KIF23: variants seen among roughly 807,000 people sequenced by gnomAD.
The protein encoded by KIF23 is kinesin-like protein KIF23.
KIF23 carries 30 observed loss-of-function variants against 137.5 expected under a neutral mutation model. The ratio of observed to expected loss-of-function variants is 0.22; its 90% CI spans 0.16 to 0.30. The LOEUF (loss-of-function observed/expected upper bound fraction) is 0.30. Ranked by LOEUF, KIF23 falls within the 10% of genes least tolerant of loss-of-function variation. The probability of loss-of-function intolerance (pLI) is 1.00; values close to 1 mark genes in which losing one functional copy is unlikely to be tolerated. For missense variants in KIF23, 920 were observed against 1,194.3 expected (o/e 0.77, Z 3.38); for synonymous variants, 367 against 391.1 (o/e 0.94, Z 0.73).
chr15:69,431,455 T>C (rs1399831519), intron 11 of KIF23, among the ~76,000 whole-genome samples: 1 of 151,794 alleles, frequency 6.6e-6, no homozygotes, highest in Non-Finnish European at 1.5e-5. Flanking sequence ...CTACTAAAAA[T>C]ACAAAAAAAT....
Position 69,440,889 on chromosome 15 carries a change from A to C in KIF23, c.2231A>C (p.Glu744Ala). The C allele has an allele frequency of 3.1e-6, 5 of 1,614,130 alleles. No homozygotes were observed. The highest frequency in any genetic ancestry group is 4.2e-6 in the Non-Finnish European group (5 of 1,180,028). ...ISVASCISEW[E>A]QKIPTYNTPL... Reference sequence around the variant, plus strand: ...GTAGCTTCCTGTATTTCGGAATGGGAGCAGAAAATTCCTACGTACAACACA... The same window carrying C: ...GTAGCTTCCTGTATTTCGGAATGGGCGCAGAAAATTCCTACGTACAACACA... Residue 744 changes from glutamate (E) to alanine (A), a missense_variant, in exon 19 of 24, where the codon GAG (glutamate) becomes GCG (alanine). Glu to Ala is a moderately radical substitution (Grantham distance 107, BLOSUM62 -1). Transcript: ENST00000679126.
intron 19 of KIF23, 24 bp downstream of exon 19, chr15:69,441,103 G>C: frequency 1.3e-6 from 2 of 1,547,814 alleles, no homozygotes; most frequent in Non-Finnish European, 1.7e-6. Context: ...TTATTTTAAC[G>C]CATTGTAGCA....
Position 69,414,461 on chromosome 15 carries a change from C to T in KIF23, c.-5C>T. ...GCGCGTTTGGGCGGCGTGGAGCCTG[C>T]TGCCATGAAGTCAGCGTGAGTACGA... is the stretch of plus-strand genomic sequence containing the variant. On this transcript the variant is annotated 5_prime_UTR_variant, in exon 1 of 24. Coordinates refer to ENST00000679126, the MANE Select transcript of KIF23 (RefSeq NM_001367805.3). 6.3e-7 allele frequency: 1 copy of T among 1,590,180 alleles called. No homozygotes were observed. The highest frequency in any genetic ancestry group is 1.7e-4 in the Middle Eastern group (1 of 5,826).
At chr15:69,420,729 C>A (rs1376363698) in intron 3 of KIF23, among the ~76,000 whole-genome samples, 1 of 151,878 alleles carries the variant, frequency 6.6e-6, no homozygotes, top group Admixed American at 6.6e-5. Flanking sequence ...CACTTGTTGC[C>A]CAGGCTGGTG....
In KIF23 at chr15:69,440,053, G is replaced by A. The variant is rs1321986627; in HGVS notation, c.1905G>A (p.Thr635=). 3.1e-6 allele frequency: 5 copies of A among 1,613,624 alleles called. No individual in the cohort carries two copies. Among genetic ancestry groups the A allele is most frequent in the East Asian group, 4.5e-5 (2 of 44,860 alleles). Residue 635 remains threonine, a synonymous_variant, in exon 17 of 24, where the codon ACG becomes ACA. Coordinates refer to ENST00000679126, the MANE Select transcript of KIF23 (RefSeq NM_001367805.3). ...EARLQGMVTE[T]TMKWEKECER... ...GGTTGCAAGGCATGGTGACAGAAACGACAATGAAGTGGGAGAAAGAATGTG... is the reference window on the plus strand; with the variant it reads ...GGTTGCAAGGCATGGTGACAGAAACAACAATGAAGTGGGAGAAAGAATGTG...
intron 11 of KIF23, among the ~76,000 whole-genome samples, chr15:69,433,769 G>T (rs1220962213): frequency 6.6e-6 from 1 of 151,742 alleles, no homozygotes; most frequent in Non-Finnish European, 1.5e-5. Context: ...CCACATAAAA[G>T]GTAGCAGCAC....
In KIF23 at chr15:69,436,694, A is replaced by T; in HGVS notation, c.1569A>T (p.Gln523His). Residue 523 changes from glutamine (Q) to histidine (H), a missense_variant, in exon 15 of 24, where the codon CAA (glutamine) becomes CAT (histidine). Physicochemically the swap from Gln to His is conservative, Grantham distance 24. This residue lies in a region of KIF23 where 714 missense variants were observed against 866.2 expected (regional missense o/e 0.82). Coordinates refer to ENST00000679126, the MANE Select transcript of KIF23 (RefSeq NM_001367805.3). ...EALEKRHNLR[Q>H]MMIDEFNKQS... is the part of the protein sequence containing the mutation. ...TAGAGAAACGACATAACTTACGACA[A>T]ATGATGATTGATGAGTTTAACAAAC... The T allele has an allele frequency of 3.8e-6, 6 of 1,598,404 alleles. No individual in the cohort carries two copies. Among genetic ancestry groups the T allele is most frequent in the Non-Finnish European group, 4.3e-6 (5 of 1,170,614 alleles).
chr15:69,424,627 A>G (rs2057143578), intron 7 of KIF23, among the ~76,000 whole-genome samples: 1 of 152,136 alleles, frequency 6.6e-6, no homozygotes, highest in South Asian at 2.1e-4. Context: ...CCTCCTAAGT[A>G]GCTGGAACTA....
At chr15:69,446,253 A>G in intron 21 of KIF23, 30 bp from the exon 22 acceptor site, 1 of 1,594,852 alleles carries the variant, frequency 6.3e-7, no homozygotes, top group Non-Finnish European at 8.6e-7. Context: ...ATGGAAAAAT[A>G]ATTGTTGCAT....
In KIF23 at chr15:69,423,172, C is replaced by G. The variant is rs1043162177; in HGVS notation, c.577C>G (p.Pro193Ala). Residue 193 changes from proline to alanine, a missense_variant, in exon 7 of 24, where the codon CCA becomes GCA. Pro to Ala is a conservative substitution (Grantham distance 27). Around this residue, in one of 4 missense-constraint regions of KIF23, gnomAD observed 714 missense variants for 866.2 expected, o/e 0.82. Coordinates refer to ENST00000679126, the MANE Select transcript of KIF23 (RefSeq NM_001367805.3). ...TTCTTTTTTTAGACGACAAGTAGAT[C>G]CAGAGTTTGCAGATATGATAACTGT... ...KTSSSKRQVDPEFADMITVQE... is the reference protein window; with the variant it reads ...KTSSSKRQVDAEFADMITVQE... The G allele has an allele frequency of 1.9e-6, 3 of 1,587,600 alleles. No individual in the cohort carries two copies. In the East Asian group the frequency reaches 6.8e-5, roughly 36 times the overall value.
chr15:69,419,911 G>A (rs1029131555), intron 3 of KIF23, among the ~76,000 whole-genome samples: 1 of 152,114 alleles, frequency 6.6e-6, no homozygotes, highest in African/African-American at 2.4e-5. Flanking sequence ...GGTATAAAAA[G>A]GTTTGATGGG....
At chr15:69,445,891 T>A (rs2057730734) in intron 20 of KIF23, 118 bp from the exon 21 acceptor site, 1 of 761,558 alleles carries the variant, frequency 1.3e-6, no homozygotes, top group African/African-American at 1.7e-5. Flanking sequence ...AAGTACCATC[T>A]GATTTTGTGG....
chr15:69,434,292 T>C (rs2057420771), intron 11 of KIF23, among the ~76,000 whole-genome samples: 1 of 152,278 alleles, frequency 6.6e-6, no homozygotes, highest in African/African-American at 2.4e-5. Flanking sequence ...AAATTTCTGG[T>C]CCATCCCTTC....
intron 10 of KIF23, among the ~76,000 whole-genome samples, chr15:69,428,128 A>G (rs1451798462): frequency 6.6e-6 from 1 of 152,080 alleles, no homozygotes; most frequent in Non-Finnish European, 1.5e-5. Flanking sequence ...ATAGTGGCGC[A>G]TGCCTGTAGT....
chr15:69,429,208 A>G lies in KIF23; in HGVS notation c.1109A>G (p.Glu370Gly). 1 of 1,606,696 alleles carries G rather than the reference A, an allele frequency of 6.2e-7. No homozygotes were observed. Among genetic ancestry groups the G allele is most frequent in the Non-Finnish European group, 8.5e-7 (1 of 1,174,966 alleles). Residue 370 changes from glutamate (E) to glycine (G), a missense_variant, in exon 11 of 24, where the codon GAA becomes GGA. Glu to Gly is a moderately conservative substitution (Grantham distance 98, BLOSUM62 -2). Transcript: ENST00000679126. Reference protein sequence around the residue: ...RTRAEGNRLREAGNINQSLMT... With the variant: ...RTRAEGNRLRGAGNINQSLMT... The stretch of plus-strand genomic sequence containing the variant: ...AGAGCAGAAGGGAACAGATTACGTG[A>G]AGCTGGTGAGTAAAGCATGGTATTT...
intron 1 of KIF23, 89 bp downstream of exon 1, chr15:69,414,565 C>A: frequency 7.9e-7 from 1 of 1,265,900 alleles, no homozygotes; most frequent in Non-Finnish European, 1.0e-6. Context: ...CAGGCCGCGG[C>A]CGTACGCGGG....
At chr15:69,434,420 C>T (rs577255603) in intron 11 of KIF23, 13 of 397,772 alleles carry the variant, frequency 3.3e-5, no homozygotes, top group African/African-American at 2.4e-4. Context: ...CCGTTGCTTG[C>T]TTTTGTCTTT....
chr15:69,436,058 G>A, intron 13 of KIF23, 80 bp from the exon 14 acceptor site: 1 of 1,539,414 alleles, frequency 6.5e-7, no homozygotes, highest in South Asian at 1.2e-5. Flanking sequence ...ATAAAAATAA[G>A]CAATCTTTGC....
At chr15:69,434,568 TG>T in intron 11 of KIF23, 2 of 1,074,392 alleles carry the variant, frequency 1.9e-6, no homozygotes, top group Non-Finnish European at 2.9e-6. Flanking sequence ...TTTGTTGTCC[TG>T]GTCAAGATAA....
Sources: gnomAD v4.1 joint callset for allele counts (sites outside exome capture counted in the v4.1 genomes callset) on GRCh38, gnomAD v4.1.1 for gene constraint, gnomAD v4.1.1 regional missense constraint, MANE v1.5 for transcripts, NCBI Gene and HGNC (gene_info 2026-07-23, HGNC 2026-07-21) for gene names.